Variants in FAM227B observed in about 807,000 individuals in gnomAD.
FAM227B encodes family with sequence similarity 227 member B.
A neutral mutation model predicts 73.8 loss-of-function variants in FAM227B; 88 were observed. The ratio of observed to expected loss-of-function variants is 1.19; its 90% CI spans 1.00 to 1.42. FAM227B has a LOEUF of 1.42. FAM227B is among the 40% of genes most tolerant of loss of function. The pLI is 0.00. For synonymous variants in FAM227B, 210 were observed against 190.5 expected (o/e 1.10, Z -0.84); for missense variants, 632 against 590.9 (o/e 1.07, Z -0.72).
chr15:49,582,161 T>C (rs938452845), intron 5 of FAM227B, among the ~76,000 whole-genome samples: 2 of 152,174 alleles, frequency 1.3e-5, no homozygotes, highest in Admixed American at 6.5e-5. Flanking sequence ...GGGGGCTAAA[T>C]GCCCCCGTTA....
chr15:49,393,765 T>A (rs1162329420), intron 11 of FAM227B, among the ~76,000 whole-genome samples: 5 of 151,960 alleles, frequency 3.3e-5, no homozygotes, highest in African/African-American at 4.8e-5. Flanking sequence ...ATCAAATCAA[T>A]CACACCAAAA....
At chr15:49,520,947 C>G (rs1248499993) in intron 10 of FAM227B, among the ~76,000 whole-genome samples, 1 of 152,132 alleles carries the variant, frequency 6.6e-6, no homozygotes, top group East Asian at 1.9e-4. Context: ...GCTCCCCTCA[C>G]CCCAAGACAG....
At chr15:49,597,125 A>G (rs2076931857) in intron 3 of FAM227B, among the ~76,000 whole-genome samples, 1 of 152,044 alleles carries the variant, frequency 6.6e-6, no homozygotes, top group Non-Finnish European at 1.5e-5. Context: ...AAATGGACTT[A>G]ACAGATATTT....
intron 5 of FAM227B, among the ~76,000 whole-genome samples, chr15:49,584,656 G>C (rs561450767): frequency 6.6e-6 from 1 of 151,994 alleles, no homozygotes; most frequent in Non-Finnish European, 1.5e-5. Flanking sequence ...CAACTTCAGC[G>C]AAGTCTCAGG....
chr15:49,607,000 T>C (rs968910086), intron 3 of FAM227B, among the ~76,000 whole-genome samples: 12 of 152,204 alleles, frequency 7.9e-5, no homozygotes, highest in African/African-American at 2.9e-4. Context: ...GAGACTTGTG[T>C]AGGATGAAAC....
chr15:49,347,406 T>C (rs2041662111), intron 13 of FAM227B, among the ~76,000 whole-genome samples: 1 of 152,200 alleles, frequency 6.6e-6, no homozygotes, highest in Admixed American at 6.5e-5. Context: ...TAGATGAAGG[T>C]GCTTCTCCTT....
rs1567676917 is a variant in FAM227B, at chr15:49,600,028, G to T, written c.106-10021C>A. The stretch of plus-strand genomic sequence containing the variant: ...GGCCTTAAAGTCTCCTATTGTTAAT[G>T]TATTGCTGTTATTTCTCCCTTCAAT... On this transcript the variant is annotated intron_variant, in intron 3 of 15. Transcript: ENST00000299338. 4.6e-5 allele frequency among the ~76,000 whole-genome samples: 7 copies of T among 152,010 alleles called. No homozygotes were observed. The South Asian group carries it at 1.4e-3, about 31-fold the overall frequency.
At chr15:49,418,879 C>T (rs1018759233) in intron 11 of FAM227B, among the ~76,000 whole-genome samples, 2 of 152,014 alleles carry the variant, frequency 1.3e-5, no homozygotes, top group Admixed American at 1.3e-4. Context: ...ATCAACCTAG[C>T]TTTAATTTTG....
intron 3 of FAM227B, among the ~76,000 whole-genome samples, chr15:49,604,315 A>G (rs2077378184): frequency 6.6e-6 from 1 of 151,912 alleles, no homozygotes; most frequent in East Asian, 1.9e-4. Flanking sequence ...TTTTTGAAGG[A>G]GAGCCTTGCC....
intron 11 of FAM227B, among the ~76,000 whole-genome samples, chr15:49,490,521 A>G (rs577633944): frequency 1.8e-4 from 27 of 152,130 alleles, no homozygotes; most frequent in Non-Finnish European, 3.8e-4. Context: ...TGGGCAAAAC[A>G]ACAAGAAAAA....
At chr15:49,525,716 A>ATC (rs2060146275) in intron 10 of FAM227B, among the ~76,000 whole-genome samples, 1 of 89,104 alleles carries the variant, frequency 1.1e-5, no homozygotes, top group African/African-American at 3.8e-5. Context: ...ATATATATAT[A>ATC]TATCACAAAC....
chr15:49,379,297 A>G (rs2046369962), intron 11 of FAM227B, among the ~76,000 whole-genome samples: 1 of 152,154 alleles, frequency 6.6e-6, no homozygotes, highest in African/African-American at 2.4e-5. Flanking sequence ...TGGTTTTGGT[A>G]TCAGGGTAAT....
At chr15:49,574,422 A>G (rs1468996149) in intron 8 of FAM227B, among the ~76,000 whole-genome samples, 1 of 152,124 alleles carries the variant, frequency 6.6e-6, no homozygotes, top group African/African-American at 2.4e-5. Flanking sequence ...TGTTCTCGTA[A>G]TAGTCAGTGA....
intron 13 of FAM227B, among the ~76,000 whole-genome samples, chr15:49,355,538 GA>G (rs1361945625): frequency 2.6e-5 from 4 of 152,080 alleles, no homozygotes; most frequent in Non-Finnish European, 5.9e-5. Flanking sequence ...GAAGTTTAGA[GA>G]AAAAAGAATA....
At chr15:49,578,420 A>AAT (rs948373307) in intron 5 of FAM227B, among the ~76,000 whole-genome samples, 60 of 151,976 alleles carry the variant, frequency 3.9e-4, no homozygotes, top group East Asian at 2.1e-3. Context: ...GTCATGTTTA[A>AAT]ATATATATAT....
At chr15:49,504,920 C>T (rs2058462236) in intron 11 of FAM227B, among the ~76,000 whole-genome samples, 1 of 152,084 alleles carries the variant, frequency 6.6e-6, no homozygotes, top group South Asian at 2.1e-4. Context: ...AAATAAAATC[C>T]TATATCCGAA....
rs955979278 is a variant in FAM227B at position 49,568,155 on chromosome 15, T to C, written c.747+90A>G. On this transcript the variant is annotated intron_variant, in intron 9 of 15. Coordinates refer to ENST00000299338, the MANE Select transcript of FAM227B (RefSeq NM_152647.3). ...CTTTGCTTTCAAAAGTAACAAAATA[T>C]ATTCTCATATGGGTTTAAATAAAAT... is the stretch of plus-strand genomic sequence containing the variant. 19 of 1,151,422 alleles carry C rather than the reference T, an allele frequency of 1.7e-5. No homozygotes were observed. The African/African-American group carries it at 3.0e-4, about 18-fold the overall frequency. 71.3% of individuals were successfully genotyped at this position (1,151,422 alleles called of 1,614,324 possible).
chr15:49,392,807 G>A (rs1404451461), intron 11 of FAM227B, among the ~76,000 whole-genome samples: 4 of 152,168 alleles, frequency 2.6e-5, no homozygotes, highest in South Asian at 2.1e-4. Context: ...AGCTCTTAAT[G>A]AGCCTAATTA....
At chr15:49,588,738 CTA>C (rs1056674191) in intron 4 of FAM227B, among the ~76,000 whole-genome samples, 1 of 150,022 alleles carries the variant, frequency 6.7e-6, no homozygotes, top group African/African-American at 2.4e-5. Flanking sequence ...TGTATGCAAG[CTA>C]TATATATGTG....
Sources: allele counts gnomAD v4.1 joint callset (sites outside exome capture counted in the v4.1 genomes callset), GRCh38; gene constraint gnomAD v4.1.1; transcripts MANE v1.5; gene names NCBI Gene and HGNC (gene_info 2026-07-23, HGNC 2026-07-21).